ROBO2: variants seen among roughly 807,000 people sequenced by gnomAD.
The protein encoded by ROBO2 is roundabout guidance receptor 2.
In ROBO2, 53 loss-of-function variants were observed where a neutral mutation model predicts 160.8. The observed-to-expected ratio is 0.33, with a 90% CI of 0.26 to 0.41. The LOEUF is 0.41. Among genes scored for constraint, ROBO2 ranks in the 10% least tolerant of loss-of-function variants. The pLI, the probability that ROBO2 is intolerant of heterozygous loss-of-function variation, is 1.00. For synonymous variants in ROBO2, 664 were observed against 611.7 expected, an observed-to-expected ratio of 1.09 and a Z score of -1.26; for missense variants, 1,577 against 1,722.4, an observed-to-expected ratio of 0.92 and a Z score of 1.49.
At chr3:77,316,599 G>C (rs1262175187) in intron 2 of ROBO2, among the ~76,000 whole-genome samples, 1 of 152,040 alleles carries the variant, frequency 6.6e-6, no homozygotes, top group Admixed American at 6.6e-5. Context: ...CCTCTGAAAG[G>C]GTAACATCTT....
At chr3:77,480,296 G>A (rs188616986) in intron 3 of ROBO2, among the ~76,000 whole-genome samples, 2 of 100,716 alleles carry the variant, frequency 2.0e-5, no homozygotes, top group African/African-American at 3.2e-5. Context: ...TGAATTAAAT[G>A]AGTACCAAAA....
chr3:77,031,518 A>G (rs1443799566), intron 2 of ROBO2, among the ~76,000 whole-genome samples: 2 of 146,454 alleles, frequency 1.4e-5, no homozygotes, highest in East Asian at 3.9e-4. Context: ...AAATATATCT[A>G]CTATATAATA....
chr3:76,189,842 TG>T (rs933839502), intron 2 of ROBO2, among the ~76,000 whole-genome samples: 1 of 152,110 alleles, frequency 6.6e-6, no homozygotes, highest in African/African-American at 2.4e-5. Flanking sequence ...AGGTGTGTTT[TG>T]TTTCTATATG....
chr3:76,274,819 A>G (rs901936432), intron 2 of ROBO2, among the ~76,000 whole-genome samples: 1 of 150,410 alleles, frequency 6.6e-6, no homozygotes, highest in Non-Finnish European at 1.5e-5. Flanking sequence ...CCTGGGCAAC[A>G]GAGTGAGACT....
intron 2 of ROBO2, among the ~76,000 whole-genome samples, chr3:76,333,178 C>T (rs1337801787): frequency 6.6e-6 from 1 of 152,192 alleles, no homozygotes; most frequent in Non-Finnish European, 1.5e-5. Flanking sequence ...GGATAGCTTA[C>T]ATAACCTCTC....
intron 2 of ROBO2, among the ~76,000 whole-genome samples, chr3:77,299,922 G>A (rs1306723392): frequency 6.6e-6 from 1 of 152,092 alleles, no homozygotes; most frequent in African/African-American, 2.4e-5. Context: ...CTGGGTAACA[G>A]GAGGGAAGAC....
chr3:76,806,167 T>C (rs1227350582), intron 2 of ROBO2, among the ~76,000 whole-genome samples: 2 of 151,602 alleles, frequency 1.3e-5, no homozygotes, highest in African/African-American at 4.8e-5. Flanking sequence ...TTATTTCTTC[T>C]GGAAATTTAA....
chr3:76,485,900 C>T (rs1577546191), intron 2 of ROBO2, among the ~76,000 whole-genome samples: 1 of 152,160 alleles, frequency 6.6e-6, no homozygotes, highest in Non-Finnish European at 1.5e-5. Context: ...GCTCACCATT[C>T]TAAACTCCAG....
intron 2 of ROBO2, among the ~76,000 whole-genome samples, chr3:77,208,955 A>C (rs185902764): frequency 1.0e-3 from 159 of 152,284 alleles, no homozygotes; most frequent in African/African-American, 3.6e-3. Context: ...TATGTTTCAT[A>C]TATTTTTGAG....
chr3:75,952,191 A>G (rs868127421), intron 2 of ROBO2, among the ~76,000 whole-genome samples: 1 of 151,950 alleles, frequency 6.6e-6, no homozygotes, highest in Non-Finnish European at 1.5e-5. Flanking sequence ...AGTGAAGTTA[A>G]TGTTCTTCTC....
At chr3:76,618,349 AC>A in intron 2 of ROBO2, among the ~76,000 whole-genome samples, 1 of 151,608 alleles carries the variant, frequency 6.6e-6, no homozygotes, top group East Asian at 1.9e-4. Flanking sequence ...GGTGGTTTTC[AC>A]AAATACTGTT....
chr3:76,603,343 AAAAAAAAAATAT>A (rs1560218645), intron 2 of ROBO2, among the ~76,000 whole-genome samples: 143 of 75,498 alleles, frequency 1.9e-3, no homozygotes, highest in African/African-American at 4.1e-3. Context: ...AAAAAAAAAA[AAAAAAAAAATAT>A]ATATATATAT....
At chr3:77,272,179 A>T (rs573847251) in intron 2 of ROBO2, among the ~76,000 whole-genome samples, 30 of 152,270 alleles carry the variant, frequency 2.0e-4, no homozygotes, top group African/African-American at 6.7e-4. Flanking sequence ...AGTTTAAGAT[A>T]CTCTTTGAAA....
At chr3:76,198,371 G>A (rs1305569205) in intron 2 of ROBO2, among the ~76,000 whole-genome samples, 1 of 152,156 alleles carries the variant, frequency 6.6e-6, no homozygotes, top group South Asian at 2.1e-4. Flanking sequence ...TCTTAAGACT[G>A]ACAAAATAGA....
chr3:77,359,141 A>G (rs944902290), intron 2 of ROBO2, among the ~76,000 whole-genome samples: 20 of 152,224 alleles, frequency 1.3e-4, no homozygotes, highest in Non-Finnish European at 4.4e-5. Context: ...GTTCTTTGAC[A>G]AAGATGCAAA....
At chr3:76,580,525 G>T (rs143687135) in intron 2 of ROBO2, among the ~76,000 whole-genome samples, 29 of 151,660 alleles carry the variant, frequency 1.9e-4, no homozygotes, top group African/African-American at 6.8e-4. Context: ...CTTTGTGAAG[G>T]CACTGTTGTA....
At chr3:76,208,591 T>G (rs1489870178) in intron 2 of ROBO2, among the ~76,000 whole-genome samples, 1 of 152,160 alleles carries the variant, frequency 6.6e-6, no homozygotes, top group Non-Finnish European at 1.5e-5. Context: ...ATGTGAACGC[T>G]AAAGTAACTC....
chr3:76,331,121 A>G (rs2073451458), intron 2 of ROBO2, among the ~76,000 whole-genome samples: 1 of 152,190 alleles, frequency 6.6e-6, no homozygotes, highest in Non-Finnish European at 1.5e-5. Context: ...TTTTGAGCCC[A>G]TGGCGGTAAT....
intron 2 of ROBO2, among the ~76,000 whole-genome samples, chr3:77,129,112 CT>C (rs895504715): frequency 7.9e-5 from 12 of 151,680 alleles, no homozygotes; most frequent in African/African-American, 1.9e-4. Context: ...TTACAACTGT[CT>C]TTTTTTCTAC....
Sources: allele counts gnomAD v4.1 joint callset (sites outside exome capture counted in the v4.1 genomes callset), GRCh38; gene constraint gnomAD v4.1.1; transcripts MANE v1.5; gene names NCBI Gene and HGNC (gene_info 2026-07-23, HGNC 2026-07-21).